Variants in GRIA3 observed in about 807,000 individuals in gnomAD.
GRIA3 encodes glutamate ionotropic receptor AMPA type subunit 3.
A neutral mutation model predicts 63.0 loss-of-function variants in GRIA3; 3 were observed. The observed-to-expected ratio is 0.05, with a 90% CI of 0.02 to 0.12. The LOEUF is 0.12. Among genes scored for constraint, GRIA3 ranks in the 10% least tolerant of loss-of-function variants. The pLI is 1.00. For missense variants in GRIA3, 347 were observed against 700.9 expected (o/e 0.50, Z 5.70); for synonymous variants, 274 against 257.9 (o/e 1.06, Z -0.60).
Position 123,387,929 on chromosome X carries a change from T to C in GRIA3, c.751-7039T>C, listed in dbSNP as rs6608083. ...TCCTTGTCTGGTTTTGCTGTCAGAG[T>C]AATGCTGGCATCATAGAATGAGTTA... On this transcript the variant is annotated intron_variant, in intron 5 of 15. Coordinates refer to ENST00000620443, the MANE Select transcript of GRIA3 (RefSeq NM_007325.5). 3.3e-3 allele frequency among the ~76,000 whole-genome samples: 375 copies of C among 112,111 alleles called. 2 individuals carry two copies. The highest frequency in any genetic ancestry group is 5.6e-3 in the Non-Finnish European group (296 of 53,182).
At chrX:123,481,039 T>C (rs1475647192) in intron 14 of GRIA3, among the ~76,000 whole-genome samples, 2 of 112,147 alleles carry the variant, frequency 1.8e-5, no homozygotes, top group Non-Finnish European at 1.9e-5. Flanking sequence ...ATTTTGCTAC[T>C]GGTTTTCTAC....
intron 3 of GRIA3, among the ~76,000 whole-genome samples, chrX:123,315,381 G>A (rs969598225): frequency 2.7e-5 from 3 of 111,806 alleles, no homozygotes; most frequent in Non-Finnish European, 5.6e-5. Flanking sequence ...TTCACACACA[G>A]AACAGTTTCT....
chrX:123,210,004 G>T (rs5956525), intron 2 of GRIA3, among the ~76,000 whole-genome samples: 17,307 of 107,552 alleles, frequency 0.16, 2,083 homozygotes, highest in African/African-American at 0.35. Context: ...TTTGTTTGTT[G>T]GTTGGTTTGT....
chrX:123,263,126 T>C (rs1050155038), intron 3 of GRIA3, among the ~76,000 whole-genome samples: 13 of 112,306 alleles, frequency 1.2e-4, no homozygotes, highest in African/African-American at 3.9e-4. Context: ...TCAACAGTGC[T>C]CTTTCCCTCT....
chrX:123,248,658 T>C (rs1189713206), intron 2 of GRIA3, among the ~76,000 whole-genome samples: 1 of 111,220 alleles, frequency 9.0e-6, no homozygotes, highest in Non-Finnish European at 1.9e-5. Flanking sequence ...TGGTGGCGCA[T>C]GCCTGTATTC....
At chrX:123,238,206 C>A (rs1226886341) in intron 2 of GRIA3, among the ~76,000 whole-genome samples, 1 of 111,604 alleles carries the variant, frequency 9.0e-6, no homozygotes, top group Non-Finnish European at 1.9e-5. Context: ...AGTTTAGTAA[C>A]ACATGTTCCC....
intron 14 of GRIA3, among the ~76,000 whole-genome samples, chrX:123,481,708 C>A (rs943545986): frequency 1.5e-4 from 17 of 111,618 alleles, no homozygotes; most frequent in African/African-American, 4.6e-4. Context: ...TATTTTATTT[C>A]TTTTTCAAAG....
intron 4 of GRIA3, among the ~76,000 whole-genome samples, chrX:123,330,406 C>T (rs1006251434): frequency 2.7e-5 from 3 of 112,230 alleles, no homozygotes; most frequent in African/African-American, 6.5e-5. Flanking sequence ...CTACACTGCA[C>T]TACCTCTTTT....
At chrX:123,195,617 C>A (rs891336161) in intron 2 of GRIA3, among the ~76,000 whole-genome samples, 1 of 111,590 alleles carries the variant, frequency 9.0e-6, no homozygotes, top group Non-Finnish European at 1.9e-5. Context: ...ATTCAATTTT[C>A]TTAAACCACT....
At chrX:123,343,621 G>C (rs1010758934) in intron 4 of GRIA3, among the ~76,000 whole-genome samples, 1 of 109,810 alleles carries the variant, frequency 9.1e-6, no homozygotes, top group Non-Finnish European at 1.9e-5. Flanking sequence ...GAGAGAGATT[G>C]AGCATCTCAT....
intron 2 of GRIA3, among the ~76,000 whole-genome samples, chrX:123,219,139 C>A (rs1052960589): frequency 9.0e-6 from 1 of 111,456 alleles, no homozygotes; most frequent in Non-Finnish European, 1.9e-5. Context: ...TGGAAGCAAC[C>A]AGCTAACAAA....
chrX:123,426,868 C>G (rs12844620), intron 11 of GRIA3, among the ~76,000 whole-genome samples: 1 of 112,092 alleles, frequency 8.9e-6, no homozygotes, highest in East Asian at 2.8e-4. Flanking sequence ...CAACACAGAG[C>G]GTGATTCCAA....
intron 3 of GRIA3, among the ~76,000 whole-genome samples, chrX:123,292,633 G>A (rs2044663048): frequency 9.0e-6 from 1 of 111,503 alleles, no homozygotes; most frequent in Admixed American, 9.6e-5. Context: ...AGTCTTTGCT[G>A]CTTTGATGTG....
chrX:123,285,577 C>CAAAAAAAAAAAAAAAA (rs59101106), intron 3 of GRIA3, among the ~76,000 whole-genome samples: 25 of 10,166 alleles, frequency 2.5e-3, no homozygotes, highest in African/African-American at 3.0e-3. Context: ...AAATGAAAAG[C>CAAAAAAAAAAAAAAAA]AAAAAAAAAA....
intron 2 of GRIA3, among the ~76,000 whole-genome samples, chrX:123,193,973 G>A (rs1282067229): frequency 9.0e-6 from 1 of 111,298 alleles, no homozygotes; most frequent in Non-Finnish European, 1.9e-5. Flanking sequence ...GGATAAGGAA[G>A]ATTCCCTCAA....
chrX:123,244,588 A>G (rs2044347683), intron 2 of GRIA3, among the ~76,000 whole-genome samples: 1 of 112,670 alleles, frequency 8.9e-6, no homozygotes, highest in South Asian at 3.7e-4. Flanking sequence ...TGCTCTTTGT[A>G]AGGAGGAATT....
At chrX:123,430,198 G>A (rs2045610148) in intron 12 of GRIA3, among the ~76,000 whole-genome samples, 1 of 112,247 alleles carries the variant, frequency 8.9e-6, no homozygotes, top group South Asian at 3.7e-4. Flanking sequence ...GGTTTCTAAT[G>A]CTCATCAATT....
intron 3 of GRIA3, among the ~76,000 whole-genome samples, chrX:123,265,850 G>C (rs773060442): frequency 8.9e-6 from 1 of 112,065 alleles, no homozygotes; most frequent in South Asian, 3.8e-4. Flanking sequence ...GACCCTGATA[G>C]ATAGGCGGCA....
In GRIA3 at chrX:123,489,082, T is replaced by TACACAC. The variant is rs34745333; in HGVS notation, c.*402_*407dup. The stretch of plus-strand genomic sequence containing the variant: ...AGTATATAAACACCATGTTCTTTAA[T>TACACAC]ACACACACACACACACACACACACA... On this transcript the variant is annotated 3_prime_UTR_variant, in exon 16 of 16. Coordinates refer to ENST00000620443, the MANE Select transcript of GRIA3 (RefSeq NM_007325.5). 1,927 of 94,167 alleles carry TACACAC rather than the reference T, an allele frequency of 0.02. 20 individuals carry two copies. Among genetic ancestry groups the TACACAC allele is most frequent in the African/African-American group, 0.031 (819 of 26,057 alleles). The allele number at this position is 94,167 out of a possible 1,213,427, so 7.8% of individuals were successfully genotyped here. A position where few individuals can be genotyped will look rare whatever the true frequency, so the allele number is the denominator to read the frequency against.
Sources: allele counts gnomAD v4.1 joint callset (sites outside exome capture counted in the v4.1 genomes callset), GRCh38; gene constraint gnomAD v4.1.1; transcripts MANE v1.5; gene names NCBI Gene and HGNC (gene_info 2026-07-23, HGNC 2026-07-21).